Variants in IFT122 observed in about 807,000 individuals in gnomAD.
IFT122 encodes the protein intraflagellar transport 122, also known as intraflagellar transport protein 122 homolog.
A neutral mutation model predicts 161.6 loss-of-function variants in IFT122; 118 were observed. That is an observed-to-expected ratio of 0.73 (90% CI 0.63 to 0.85). The LOEUF (loss-of-function observed/expected upper bound fraction) is 0.85, where lower values mean the gene tolerates loss of function less well. IFT122 is among the 40% of genes least tolerant of loss of function. IFT122 has a pLI of 0.00. For synonymous variants in IFT122, 550 were observed against 602.4 expected, an observed-to-expected ratio of 0.91 and a Z score of 1.27; for missense variants, 1,381 against 1,579.6, an observed-to-expected ratio of 0.87 and a Z score of 2.13.
intron 1 of IFT122, among the ~76,000 whole-genome samples, chr3:129,442,022 C>T (rs1297534829): frequency 6.6e-6 from 1 of 152,126 alleles, no homozygotes; most frequent in Non-Finnish European, 1.5e-5. Flanking sequence ...CTCAGCTCTT[C>T]CTGTTTTTAC....
chr3:129,484,763 G>A (rs1297735301), intron 15 of IFT122, among the ~76,000 whole-genome samples: 4 of 152,180 alleles, frequency 2.6e-5, no homozygotes, highest in Admixed American at 2.6e-4. Flanking sequence ...GTCAGTAAAT[G>A]GTAAATGTTC....
intron 9 of IFT122, among the ~76,000 whole-genome samples, chr3:129,475,932 AAAG>A (rs1425026236): frequency 6.6e-6 from 1 of 152,252 alleles, no homozygotes; most frequent in Non-Finnish European, 1.5e-5. Flanking sequence ...AAGGCGGAGA[AAAG>A]AAGCTGAGGG....
intron 22 of IFT122, 92 bp downstream of exon 22, chr3:129,506,641 C>A (rs2082220232): frequency 1.3e-6 from 2 of 1,557,494 alleles, no homozygotes; most frequent in Non-Finnish European, 1.8e-6. Context: ...TAATTAAAGC[C>A]CTGGGCTTGT....
At chr3:129,512,819 C>T (rs1333657947) in intron 24 of IFT122, 1 of 257,124 alleles carries the variant, frequency 3.9e-6, no homozygotes, top group Admixed American at 5.1e-5. Flanking sequence ...TGCCCCAAGC[C>T]CTGGGCCAGG....
At chr3:129,504,681 T>G (rs1432207493) in intron 21 of IFT122, among the ~76,000 whole-genome samples, 2 of 152,244 alleles carry the variant, frequency 1.3e-5, no homozygotes, top group Non-Finnish European at 2.9e-5. Flanking sequence ...CTGTGGTTAC[T>G]GAGCAAAGTG....
chr3:129,501,285 A>G (rs2081513282), intron 19 of IFT122, among the ~76,000 whole-genome samples: 1 of 152,128 alleles, frequency 6.6e-6, no homozygotes, highest in South Asian at 2.1e-4. Context: ...TGGGTCCTAA[A>G]GGCTGTTGAT....
chr3:129,517,586 C>G lies in IFT122; in HGVS notation c.3383C>G (p.Ala1128Gly), dbSNP rs571758870. ...CGGGATGACAGACAGCTAGAGATTG[C>G]AAACAACAGTATCCATGCCCTTGGC... is the stretch of plus-strand genomic sequence containing the variant. ...PKRDDRQLEI[A>G]NNSSQILRLV... Residue 1128 changes from alanine (A) to glycine (G), a missense_variant, in exon 27 of 30, where the codon GCA becomes GGA. Ala to Gly is a moderately conservative substitution (Grantham distance 60). Coordinates refer to ENST00000348417, the MANE Select transcript of IFT122 (RefSeq NM_052989.3). 47 of 1,613,332 alleles carry G rather than the reference C, an allele frequency of 2.9e-5. No individual in the cohort carries two copies. The South Asian group carries it at 4.9e-4, about 17-fold the overall frequency.
chr3:129,475,206 GA>G (rs1191586428), intron 9 of IFT122, among the ~76,000 whole-genome samples: 1 of 152,174 alleles, frequency 6.6e-6, no homozygotes, highest in East Asian at 1.9e-4. Context: ...TAGCCATCAG[GA>G]AAATGCAAAT....
intron 24 of IFT122, 29 bp downstream of exon 24, chr3:129,512,441 C>CCACCA (rs1471798654): frequency 1.3e-5 from 19 of 1,454,190 alleles, no homozygotes; most frequent in Non-Finnish European, 1.7e-5. Flanking sequence ...CTCCTCCGTC[C>CCACCA]CACCACCGTT....
At chr3:129,458,410 G>A (rs2108022856) in intron 3 of IFT122, among the ~76,000 whole-genome samples, 189 bp from the exon 4 acceptor site, 1 of 152,254 alleles carries the variant, frequency 6.6e-6, no homozygotes. Context: ...TGTTTACTCA[G>A]TGTCAGACAA....
At chr3:129,476,933 G>T in intron 11 of IFT122, 132 bp downstream of exon 11, 14 of 960,888 alleles carry the variant, frequency 1.5e-5, no homozygotes, top group South Asian at 3.1e-5. Context: ...CACTGGGTCT[G>T]TGTCTTGTTT....
At chr3:129,466,254 G>T (rs1419837781) in intron 7 of IFT122, among the ~76,000 whole-genome samples, 1 of 152,090 alleles carries the variant, frequency 6.6e-6, no homozygotes, top group East Asian at 1.9e-4. Flanking sequence ...AAGGTTGTTT[G>T]GAAGGTTATT....
intron 1 of IFT122, among the ~76,000 whole-genome samples, chr3:129,444,043 C>T (rs927492752): frequency 6.6e-6 from 1 of 152,196 alleles, no homozygotes; most frequent in Non-Finnish European, 1.5e-5. Flanking sequence ...ACTGCTCCAA[C>T]ATCTAATAAT....
chr3:129,491,395 T>C (rs965414547), intron 16 of IFT122, among the ~76,000 whole-genome samples: 6 of 152,192 alleles, frequency 3.9e-5, no homozygotes, highest in Admixed American at 6.5e-5. Context: ...CTTGTGCTCC[T>C]CCAAACCCTG....
chr3:129,512,187 T>C (rs1337624271), intron 23 of IFT122, 125 bp from the exon 24 acceptor site: 1 of 774,372 alleles, frequency 1.3e-6, no homozygotes, highest in African/African-American at 1.7e-5. Context: ...ACAGTAGGAG[T>C]AGGTGCTCAA....
chr3:129,476,180 C>G, intron 9 of IFT122, 135 bp from the exon 10 acceptor site: 1 of 898,186 alleles, frequency 1.1e-6, no homozygotes, highest in Non-Finnish European at 1.8e-6. Flanking sequence ...TGGGATGACA[C>G]AGGAGAAAAG....
Position 129,451,987 on chromosome 3 carries a change from ATGCGAAGGATG to A in IFT122, c.183_193del (p.Tyr61Ter). 6.2e-7 allele frequency: 1 copy of A among 1,613,170 alleles called. No homozygotes were observed. Among genetic ancestry groups the A allele is most frequent in the Non-Finnish European group, 8.5e-7 (1 of 1,179,110 alleles). On this transcript the variant is annotated stop_gained and frameshift_variant and splice_region_variant, in exon 3 of 30. Transcript: ENST00000348417. LOFTEE classifies it high-confidence loss of function. ...AAAGACACTGTGTACTGTGTGGCAT[ATGCGAAGGATG>A]GTAAAAGGCTGCTCTGGGTTTCCAT... is the stretch of plus-strand genomic sequence containing the variant.
chr3:129,488,438 G>A, intron 16 of IFT122, 41 bp downstream of exon 16: 1 of 1,613,680 alleles, frequency 6.2e-7, no homozygotes, highest in Non-Finnish European at 8.5e-7. Flanking sequence ...TGGTCCTTGT[G>A]GGGTCCCTTA....
chr3:129,519,535 G>C, intron 28 of IFT122, 33 bp from the exon 29 acceptor site: 1 of 1,611,254 alleles, frequency 6.2e-7, no homozygotes, highest in Non-Finnish European at 8.5e-7. Flanking sequence ...GGCTGAGTGA[G>C]GACACTGTGC....
Sources: gnomAD v4.1 joint callset for allele counts (sites outside exome capture counted in the v4.1 genomes callset) on GRCh38, gnomAD v4.1.1 for gene constraint, MANE v1.5 for transcripts, NCBI Gene and HGNC (gene_info 2026-07-23, HGNC 2026-07-21) for gene names.